LCORL: variants seen among roughly 807,000 people sequenced by gnomAD.
The protein encoded by LCORL is ligand-dependent nuclear receptor corepressor-like protein.
In LCORL, 41 loss-of-function variants were observed where a neutral mutation model predicts 141.8. The ratio of observed to expected loss-of-function variants is 0.29; its 90% CI spans 0.23 to 0.38. The LOEUF (loss-of-function observed/expected upper bound fraction) is 0.38, where lower values mean the gene tolerates loss of function less well. Ranked by LOEUF, LCORL falls within the 10% of genes least tolerant of loss-of-function variation. The probability of loss-of-function intolerance (pLI) is 1.00; values close to 1 mark genes in which losing one functional copy is unlikely to be tolerated. For synonymous variants in LCORL, 618 were observed against 694.1 expected, an observed-to-expected ratio of 0.89 and a Z score of 1.72; for missense variants, 1,759 against 2,035.0, an observed-to-expected ratio of 0.86 and a Z score of 2.61.
intron 1 of LCORL, among the ~76,000 whole-genome samples, chr4:17,988,053 G>A (rs918159858): frequency 7.9e-5 from 12 of 152,100 alleles, no homozygotes; most frequent in South Asian, 2.1e-4. Context: ...TTATAGGGGC[G>A]GGTCTTTCCA....
intron 5 of LCORL, among the ~76,000 whole-genome samples, chr4:17,898,624 A>T (rs1486506627): frequency 6.6e-6 from 1 of 150,546 alleles, no homozygotes; most frequent in African/African-American, 2.5e-5. Context: ...AAAACCTGGA[A>T]ATTCACTATC....
chr4:17,938,928 T>C (rs558341413), intron 4 of LCORL, among the ~76,000 whole-genome samples: 1 of 152,304 alleles, frequency 6.6e-6, no homozygotes, highest in African/African-American at 2.4e-5. Context: ...CTAACACATC[T>C]TCAACCTCAC....
At chr4:17,947,595 T>C (rs1219029496) in intron 4 of LCORL, among the ~76,000 whole-genome samples, 1 of 152,000 alleles carries the variant, frequency 6.6e-6, no homozygotes, top group Non-Finnish European at 1.5e-5. Flanking sequence ...TTTGAAGTGA[T>C]GGATGTATGA....
At chr4:17,850,775 TG>T (rs1723569641) in intron 7 of LCORL, among the ~76,000 whole-genome samples, 1 of 151,934 alleles carries the variant, frequency 6.6e-6, no homozygotes, top group South Asian at 2.1e-4. Flanking sequence ...ATCCCATTAC[TG>T]GATATATACC....
chr4:17,998,351 A>G (rs969237789), intron 1 of LCORL, among the ~76,000 whole-genome samples: 7 of 152,058 alleles, frequency 4.6e-5, no homozygotes, highest in African/African-American at 1.4e-4. Context: ...TACATTATAA[A>G]CTTTTAATTT....
intron 1 of LCORL, among the ~76,000 whole-genome samples, chr4:17,981,239 C>A (rs1159028141): frequency 6.6e-6 from 1 of 152,074 alleles, no homozygotes; most frequent in Non-Finnish European, 1.5e-5. Flanking sequence ...GATTACTTAA[C>A]CCTAGAGTAT....
At chr4:17,913,220 T>A (rs2109342369) in intron 4 of LCORL, among the ~76,000 whole-genome samples, 1 of 152,268 alleles carries the variant, frequency 6.6e-6, no homozygotes, top group East Asian at 1.9e-4. Flanking sequence ...GGACGTTAGC[T>A]TACACAATTC....
chr4:17,927,044 C>T (rs1023403835), intron 4 of LCORL, among the ~76,000 whole-genome samples: 2 of 152,202 alleles, frequency 1.3e-5, no homozygotes, highest in East Asian at 1.9e-4. Flanking sequence ...TGTATTAATA[C>T]ATTGAAAATT....
chr4:18,005,598 A>G (rs1722666191), intron 1 of LCORL, among the ~76,000 whole-genome samples: 1 of 152,146 alleles, frequency 6.6e-6, no homozygotes, highest in Non-Finnish European at 1.5e-5. Context: ...GCATTTCCAT[A>G]CATCTTCTGA....
At chr4:17,873,868 C>T in exon 7 of LCORL, 1 of 1,233,902 alleles carries the variant, frequency 8.1e-7, no homozygotes, top group Non-Finnish European at 1.0e-6. Flanking sequence ...AGTCTTGGTC[C>T]CTTTTGAAAG....
At chr4:17,913,727 C>G (rs1006964794) in intron 4 of LCORL, among the ~76,000 whole-genome samples, 2 of 152,154 alleles carry the variant, frequency 1.3e-5, no homozygotes, top group Non-Finnish European at 2.9e-5. Context: ...ATCAGGCGTC[C>G]ACCTTACAGT....
chr4:17,883,870 T>C, intron 6 of LCORL: 1 of 1,550,634 alleles, frequency 6.4e-7, no homozygotes, highest in East Asian at 2.4e-5. Context: ...TGCTGTGAGG[T>C]ACCCCATAAA....
intron 6 of LCORL, chr4:17,881,002 T>C (rs965363990): frequency 1.0e-6 from 1 of 983,242 alleles, no homozygotes; most frequent in Non-Finnish European, 1.2e-6. Flanking sequence ...AAAAAACAAA[T>C]ACAAGTATTT....
chr4:17,977,269 A>C (rs2724472), intron 1 of LCORL, among the ~76,000 whole-genome samples: 1 of 151,910 alleles, frequency 6.6e-6, no homozygotes, highest in Non-Finnish European at 1.5e-5. Flanking sequence ...AACAGTGTAA[A>C]TGTAGGGTTA....
At position 17,972,901 on chromosome 4, in the gene LCORL, G is replaced by C. The variant is rs200536965; in HGVS notation, c.155-16C>G. 4.6e-6 allele frequency: 6 copies of C among 1,311,722 alleles called. No individual in the cohort carries two copies. The highest frequency in any genetic ancestry group is 1.9e-5 in the South Asian group (1 of 51,292). 81.3% of individuals were successfully genotyped at this position (1,311,722 alleles called of 1,614,324 possible). A position where few individuals can be genotyped will look rare whatever the true frequency, so the allele number is the denominator to read the frequency against. On this transcript the variant is annotated splice_polypyrimidine_tract_variant and intron_variant, in intron 1 of 7. Transcript: ENST00000635767. ...CTCTCAAAACCTGTGTTTTTAGAGA[G>C]AGAAAAGTATATTAACTACTAGAAA...
intron 4 of LCORL, among the ~76,000 whole-genome samples, chr4:17,925,467 A>G (rs1297254876): frequency 6.6e-6 from 1 of 152,146 alleles, no homozygotes. Flanking sequence ...TGCTGAAGGG[A>G]AAGGGGATAC....
intron 4 of LCORL, chr4:17,911,665 C>T (rs1732557858): frequency 2.0e-6 from 1 of 493,034 alleles, no homozygotes; most frequent in South Asian, 1.6e-5. Context: ...ACTCTCCTCC[C>T]TGGACAGCAT....
rs927929848 is a variant in LCORL, at chr4:17,872,438, CA to C, written c.5602+949del. ...ACAGAGACAAAAACAAAAACAACAACAAAAAAACACAAACAAATCTCATAGC... is the reference window on the plus strand; with the variant it reads ...ACAGAGACAAAAACAAAAACAACAACAAAAAACACAAACAAATCTCATAGC... On this transcript the variant is annotated intron_variant, in intron 7 of 7. Coordinates refer to ENST00000635767, the Ensembl canonical transcript of LCORL. Among the ~76,000 whole-genome samples, 4 of 152,074 alleles carry C rather than the reference CA, an allele frequency of 2.6e-5. No homozygotes were observed. In the South Asian group the frequency reaches 8.3e-4, roughly 32 times the overall value.
chr4:17,959,699 T>C (rs1179805963), intron 4 of LCORL, among the ~76,000 whole-genome samples: 1 of 152,032 alleles, frequency 6.6e-6, no homozygotes, highest in South Asian at 2.1e-4. Context: ...TTTAGCAAGA[T>C]GATCAACATG....
Sources: gnomAD v4.1 joint callset for allele counts (sites outside exome capture counted in the v4.1 genomes callset) on GRCh38, gnomAD v4.1.1 for gene constraint, MANE v1.5 for transcripts, NCBI Gene and HGNC (gene_info 2026-07-23, HGNC 2026-07-21) for gene names.